Variants in PTPN23 observed in about 807,000 individuals in gnomAD.
PTPN23 encodes tyrosine-protein phosphatase non-receptor type 23.
PTPN23 carries 72 observed loss-of-function variants against 156.3 expected under a neutral mutation model. That is an observed-to-expected ratio of 0.46 (90% CI 0.38 to 0.56). The LOEUF is 0.56. Ranked by LOEUF, PTPN23 falls within the 20% of genes least tolerant of loss-of-function variation. The pLI is 0.00. For missense variants in PTPN23, 1,974 were observed against 2,171.5 expected (o/e 0.91, Z 1.81); for synonymous variants, 957 against 899.6 (o/e 1.06, Z -1.14).
chr3:47,393,278 G>A (rs1251221294), intron 1 of PTPN23, among the ~76,000 whole-genome samples: 4 of 151,954 alleles, frequency 2.6e-5, no homozygotes, highest in Non-Finnish European at 4.4e-5. Flanking sequence ...TCAGCCTCCT[G>A]AGAAGTTGGG....
rs1705288208 is a variant in PTPN23, at chr3:47,411,481, C to T, written c.3683C>T (p.Pro1228Leu). Residue 1228 changes from proline to leucine, a missense_variant, in exon 20 of 25, where the codon CCC becomes CTC. Around this residue, in one of 4 missense-constraint regions of PTPN23, gnomAD observed 33 missense variants for 56.9 expected, o/e 0.58. Transcript: ENST00000265562. This position sits in a 1 kb window ranked among gnomAD's most constrained non-coding sequence, Gnocchi z 6.3. ...AAGAACCGGCACCAGGATGTCATGC[C>T]CTATGACAGTAACCGTGTGGTGCTG... ...SLKNRHQDVM[P>L]YDSNRVVLRS... 6.2e-7 allele frequency: 1 copy of T among 1,613,150 alleles called. No individual in the cohort carries two copies. Among genetic ancestry groups the T allele is most frequent in the Non-Finnish European group, 8.5e-7 (1 of 1,180,018 alleles).
In PTPN23 at chr3:47,412,327, C is replaced by T; in HGVS notation, c.4223C>T (p.Ala1408Val). 1 of 1,613,414 alleles carries T rather than the reference C, an allele frequency of 6.2e-7. No individual in the cohort carries two copies. Among genetic ancestry groups the T allele is most frequent in the Non-Finnish European group, 8.5e-7 (1 of 1,180,026 alleles). The change falls in exon 23 of 25, where the codon GCT becomes GTT. Residue 1408 changes from alanine (A) to valine (V), a missense_variant. Ala to Val is a moderately conservative substitution (Grantham distance 64). Transcript: ENST00000265562. ...RTGAFALLYAAVQEVEAGNGI... is the reference protein window; with the variant it reads ...RTGAFALLYAVVQEVEAGNGI... ...GGAGCCTTTGCACTGCTCTATGCAG[C>T]TGTGCAGGAGGTGGAGGCTGGGAAC... is the stretch of plus-strand genomic sequence containing the variant.
intron 1 of PTPN23, among the ~76,000 whole-genome samples, chr3:47,383,256 A>G (rs976125895): frequency 3.3e-5 from 5 of 152,134 alleles, no homozygotes; most frequent in Admixed American, 1.3e-4. Context: ...CCTCCTGCCT[A>G]GAAGAGGTCT....
At chr3:47,408,198 C>T in intron 14 of PTPN23, 147 bp from the exon 15 acceptor site, 2 of 1,171,170 alleles carry the variant, frequency 1.7e-6, no homozygotes, top group Non-Finnish European at 1.2e-6. Flanking sequence ...TGAGACCAGG[C>T]CAGACCTGGT....
chr3:47,393,071 A>G (rs1194516649), intron 1 of PTPN23, among the ~76,000 whole-genome samples: 2 of 152,142 alleles, frequency 1.3e-5, no homozygotes, highest in South Asian at 2.1e-4. Flanking sequence ...CTTGGGGTCA[A>G]GTGATCCTCT....
chr3:47,386,114 G>C (rs1231975434), intron 1 of PTPN23, among the ~76,000 whole-genome samples: 2 of 152,134 alleles, frequency 1.3e-5, no homozygotes, highest in African/African-American at 4.8e-5. Flanking sequence ...AATTCAGACT[G>C]TCTTGCTGTC....
chr3:47,410,384 G>A lies in PTPN23; in HGVS notation c.2586G>A (p.Ser862=), dbSNP rs767720535. ...CCCCACCAGTTGCAGGTCTCCCCTC[G>A]GCCCCACCTCCTCAATTCTCAGGCC... ...GPAPPVAGLP[S]APPPQFSGPE... The change falls in exon 20 of 25, where the codon TCG becomes TCA. Residue 862 remains serine (S), a synonymous_variant. Coordinates refer to ENST00000265562, the MANE Select transcript of PTPN23 (RefSeq NM_015466.4). 11 of 1,610,812 alleles carry A rather than the reference G, an allele frequency of 6.8e-6. No individual in the cohort carries two copies. The highest frequency in any genetic ancestry group is 1.6e-4 in the Middle Eastern group (1 of 6,070).
chr3:47,409,631 G>A (rs1157512718), intron 18 of PTPN23, 24 bp from the exon 19 acceptor site: 1 of 1,612,598 alleles, frequency 6.2e-7, no homozygotes, highest in Non-Finnish European at 8.5e-7. Flanking sequence ...TGGTTCACCT[G>A]GAGCTGGCCC....
chr3:47,389,826 G>T, intron 1 of PTPN23, among the ~76,000 whole-genome samples: 1 of 140,062 alleles, frequency 7.1e-6, no homozygotes, highest in East Asian at 2.1e-4. Flanking sequence ...GGGTAACAGA[G>T]CGAGACTCCG....
chr3:47,383,692 G>A (rs1423524837), intron 1 of PTPN23, among the ~76,000 whole-genome samples: 1 of 152,198 alleles, frequency 6.6e-6, no homozygotes, highest in Non-Finnish European at 1.5e-5. Context: ...TTTGAACTTA[G>A]CCTTTGCTGC....
In PTPN23 at chr3:47,409,078, C is replaced by T. The variant is rs774320322; in HGVS notation, c.1633C>T (p.Leu545Phe). ...CCGGGCTGCCCTGCCCACACCGGCC[C>T]TCTCCCCAGGTGAGCCCCACCAGAC... ...QVRAALPTPA[L>F]SPEDKAVLQN... Residue 545 changes from leucine (L) to phenylalanine (F), a missense_variant, in exon 16 of 25, where the codon CTC (leucine) becomes TTC (phenylalanine). By Grantham distance (22) the Leu-to-Phe change is conservative. Around this residue, in one of 4 missense-constraint regions of PTPN23, gnomAD observed 726 missense variants for 929.5 expected, o/e 0.78. Transcript: ENST00000265562. 3 of 1,611,626 alleles carry T rather than the reference C, an allele frequency of 1.9e-6. No homozygotes were observed. The highest frequency in any genetic ancestry group is 2.2e-5 in the East Asian group (1 of 44,862).
chr3:47,412,472 C>T (rs755182262), intron 23 of PTPN23, 42 bp from the exon 24 acceptor site: 27 of 1,610,904 alleles, frequency 1.7e-5, no homozygotes, highest in Admixed American at 3.3e-5. Context: ...CCCAGGGTGA[C>T]GGGCCCCTGC....
intron 1 of PTPN23, among the ~76,000 whole-genome samples, chr3:47,393,403 T>A (rs1239771799): frequency 6.6e-6 from 1 of 152,234 alleles, no homozygotes; most frequent in Non-Finnish European, 1.5e-5. Flanking sequence ...TCCACCTGCC[T>A]TGGCCTCCCA....
chr3:47,404,440 T>TAAAAA (rs1705073448), intron 2 of PTPN23, among the ~76,000 whole-genome samples: 1 of 144,038 alleles, frequency 6.9e-6, no homozygotes, highest in Non-Finnish European at 1.5e-5. Flanking sequence ...AAGGAAAAAC[T>TAAAAA]ATGTGGGATA....
intron 1 of PTPN23, 104 bp from the exon 2 acceptor site, chr3:47,396,039 T>C (rs1232513749): frequency 1.2e-6 from 1 of 813,304 alleles, no homozygotes; most frequent in African/African-American, 1.8e-5. Context: ...CTTATGGTTG[T>C]AGGTCTGCAC....
chr3:47,409,000 A>G lies in PTPN23; in HGVS notation c.1555A>G (p.Met519Val). The G allele has an allele frequency of 3.1e-6, 5 of 1,614,138 alleles. No individual in the cohort carries two copies. Among genetic ancestry groups the G allele is most frequent in the Middle Eastern group, 1.6e-4 (1 of 6,062 alleles). The change falls in exon 16 of 25, where the codon ATG (methionine) becomes GTG (valine). Residue 519 changes from methionine to valine, a missense_variant. Coordinates refer to ENST00000265562, the MANE Select transcript of PTPN23 (RefSeq NM_015466.4). ...CACCAACAGTGAGCTGCACCGTGCCATGAACCTGCACGTCGGCAACCTGCG... is the reference window on the plus strand; with the variant it reads ...CACCAACAGTGAGCTGCACCGTGCCGTGAACCTGCACGTCGGCAACCTGCG... Reference protein sequence around the residue: ...SFTNSELHRAMNLHVGNLRLL... With the variant: ...SFTNSELHRAVNLHVGNLRLL...
rs769919664 is a variant in PTPN23, at chr3:47,409,954, G to A, written c.2156G>A (p.Arg719Gln). The A allele has an allele frequency of 1.3e-5, 20 of 1,570,072 alleles. No homozygotes were observed. The highest frequency in any genetic ancestry group is 9.6e-5 in the African/African-American group (7 of 73,172). Residue 719 changes from arginine (R) to glutamine (Q), a missense_variant, in exon 20 of 25, where the codon CGG becomes CAG. Transcript: ENST00000265562. ...DRELKKKPPPRPTAPKPLLPR... is the reference protein window; with the variant it reads ...DRELKKKPPPQPTAPKPLLPR... ...GAGCTGAAGAAGAAGCCGCCGCCAC[G>A]GCCCACAGCCCCAAAGCCGCTGCTG...
In PTPN23 at chr3:47,406,650, C is replaced by T. The variant is rs745704200; in HGVS notation, c.759+38C>T. 6.2e-6 allele frequency: 10 copies of T among 1,613,916 alleles called. No homozygotes were observed. Among genetic ancestry groups the T allele is most frequent in the Non-Finnish European group, 7.6e-6 (9 of 1,179,964 alleles). On this transcript the variant is annotated intron_variant, in intron 8 of 24. Coordinates refer to ENST00000265562, the MANE Select transcript of PTPN23 (RefSeq NM_015466.4). This position sits in a 1 kb window ranked among gnomAD's most constrained non-coding sequence, Gnocchi z 5.8. The stretch of plus-strand genomic sequence containing the variant: ...GGCCCCAGGGCGGGGCAGGGCGGGG[C>T]TGAGTGGCCACAGCTCAGGAAGCAA...
rs372642326 is a variant in PTPN23 at position 47,408,962 on chromosome 3, A to G, written c.1517A>G (p.Glu506Gly). The part of the protein sequence containing the change: ...REWAKYMEVH[E>G]KASFTNSELH... ...TGGGCCAAGTACATGGAAGTCCATGAGAAGGCCTCCTTCACCAACAGTGAG... is the reference window on the plus strand; with the variant it reads ...TGGGCCAAGTACATGGAAGTCCATGGGAAGGCCTCCTTCACCAACAGTGAG... Residue 506 changes from glutamate to glycine, a missense_variant, in exon 16 of 25, where the codon GAG (glutamate) becomes GGG (glycine). Transcript: ENST00000265562. 49 of 1,614,100 alleles carry G rather than the reference A, an allele frequency of 3.0e-5. No homozygotes were observed. Among genetic ancestry groups the G allele is most frequent in the Non-Finnish European group, 2.5e-5 (29 of 1,180,040 alleles).
Sources: allele counts gnomAD v4.1 joint callset (sites outside exome capture counted in the v4.1 genomes callset), GRCh38; gene constraint gnomAD v4.1.1; regional missense constraint gnomAD v4.1.1; non-coding constraint Gnocchi (gnomAD v3.1); transcripts MANE v1.5; gene names NCBI Gene and HGNC (gene_info 2026-07-23, HGNC 2026-07-21).